Variants in FAM227A observed in about 807,000 individuals in gnomAD.
FAM227A encodes protein FAM227A.
FAM227A carries 80 observed loss-of-function variants against 74.7 expected under a neutral mutation model. That is an observed-to-expected ratio of 1.07 (90% confidence interval 0.89 to 1.29). The LOEUF is 1.29. Ranked by LOEUF, FAM227A falls within the 50% of genes most tolerant of loss-of-function variation. The probability of loss-of-function intolerance (pLI) is 0.00; values close to 1 mark genes in which losing one functional copy is unlikely to be tolerated. For synonymous variants in FAM227A, 237 were observed against 241.8 expected (o/e 0.98, Z 0.19); for missense variants, 654 against 683.4 (o/e 0.96, Z 0.48).
At position 38,605,337 on chromosome 22, in the gene FAM227A, G is replaced by A. The variant is rs2091261861; in HGVS notation, c.1138C>T (p.Gln380Ter). 2 of 1,543,826 alleles carry A rather than the reference G, an allele frequency of 1.3e-6. No individual in the cohort carries two copies. Among genetic ancestry groups the A allele is most frequent in the South Asian group, 2.4e-5 (2 of 83,818 alleles). ...GTAGGTTTCTTCAAGACCAGGGTCT[G>A]ACAATGATGCTCTGTCAATGTGACA... ...MQNTAKEHHC[Q>*]TLVLKKPTQE... is the part of the protein sequence containing the mutation. Residue 380 changes from glutamine to a stop codon, truncating the protein, a stop_gained, in exon 13 of 17, where the codon CAG becomes TAG. Transcript: ENST00000535113. LOFTEE classifies it high-confidence loss of function.
Position 38,582,102 on chromosome 22 carries a change from T to C in FAM227A, c.*4023A>G, listed in dbSNP as rs2090714945. On this transcript the variant is annotated 3_prime_UTR_variant, in exon 17 of 17. Coordinates refer to ENST00000535113, the MANE Select transcript of FAM227A (RefSeq NM_001013647.2). ...ATTGACATATGAGAAACTGCACACA[T>C]TTAAAGTGTATTTAGGTGTGTATAC... The C allele has an allele frequency of 2.2e-6, 1 of 454,366 alleles. No homozygotes were observed. Among genetic ancestry groups the C allele is most frequent in the African/African-American group, 2.0e-5 (1 of 50,054 alleles). 28.1% of individuals were successfully genotyped at this position (454,366 alleles called of 1,614,324 possible).
intron 14 of FAM227A, among the ~76,000 whole-genome samples, chr22:38,598,227 T>A (rs1340984457): frequency 6.6e-6 from 1 of 152,146 alleles, no homozygotes; most frequent in African/African-American, 2.4e-5. Context: ...TTAGATGATG[T>A]TAATCATAAT....
At chr22:38,595,093 T>C (rs912369096) in intron 15 of FAM227A, among the ~76,000 whole-genome samples, 1 of 152,148 alleles carries the variant, frequency 6.6e-6, no homozygotes, top group Admixed American at 6.5e-5. Context: ...CGAGACTCCA[T>C]CTCAAAAAAT....
At chr22:38,616,461 G>A (rs568121960) in intron 11 of FAM227A, among the ~76,000 whole-genome samples, 1 of 152,182 alleles carries the variant, frequency 6.6e-6, no homozygotes, top group Admixed American at 6.5e-5. Flanking sequence ...TCAGGAGTTC[G>A]AGGCTAGCCT....
intron 2 of FAM227A, among the ~76,000 whole-genome samples, chr22:38,646,951 C>A (rs1925445028): frequency 1.3e-5 from 2 of 148,966 alleles, no homozygotes; most frequent in Non-Finnish European, 3.0e-5. Context: ...GAGTTTGAGA[C>A]CAGCCTGGCC....
At chr22:38,655,798 T>C (rs757971796) in intron 1 of FAM227A, among the ~76,000 whole-genome samples, 2 of 152,096 alleles carry the variant, frequency 1.3e-5, no homozygotes, top group African/African-American at 4.8e-5. Context: ...GGTGGTGTAG[T>C]TGGAAGAGAA....
At chr22:38,613,429 T>TATA (rs2091511608) in intron 11 of FAM227A, among the ~76,000 whole-genome samples, 1 of 10,352 alleles carries the variant, frequency 9.7e-5, no homozygotes, top group Non-Finnish European at 4.4e-4. Context: ...TATAATTTGT[T>TATA]TGTTTTCCCC....
Position 38,649,787 on chromosome 22 carries a change from G to A in FAM227A, c.142+240C>T, listed in dbSNP as rs12628650. On this transcript the variant is annotated intron_variant, in intron 2 of 16. Coordinates refer to ENST00000535113, the MANE Select transcript of FAM227A (RefSeq NM_001013647.2). The stretch of plus-strand genomic sequence containing the variant: ...GGAGGCTGAGGCAGGAGAACTGCTC[G>A]AACCTGGGAGGTAGAGGTTGCAGTG... Among the ~76,000 whole-genome samples, 81 of 151,234 alleles carry A rather than the reference G, an allele frequency of 5.4e-4. 1 individual carries two copies. In the East Asian group the frequency reaches 0.015, roughly 27 times the overall value.
At chr22:38,636,967 TCTA>T (rs1004662530) in intron 5 of FAM227A, among the ~76,000 whole-genome samples, 1 of 151,976 alleles carries the variant, frequency 6.6e-6, no homozygotes, top group Non-Finnish European at 1.5e-5. Context: ...AGACAGGGTT[TCTA>T]CTAAAAACTG....
intron 2 of FAM227A, among the ~76,000 whole-genome samples, chr22:38,648,799 C>A (rs925944518): frequency 3.3e-5 from 5 of 151,634 alleles, no homozygotes; most frequent in African/African-American, 1.2e-4. Context: ...ATGGTGAAAC[C>A]CCGTCTCTAC....
intron 3 of FAM227A, among the ~76,000 whole-genome samples, chr22:38,642,018 T>A: frequency 6.6e-6 from 1 of 152,092 alleles, no homozygotes; most frequent in African/African-American, 2.4e-5. Flanking sequence ...ATTGAAGGGT[T>A]TGTATTTTTT....
intron 11 of FAM227A, among the ~76,000 whole-genome samples, chr22:38,609,532 T>G (rs1053309377): frequency 1.3e-5 from 2 of 152,146 alleles, no homozygotes; most frequent in Non-Finnish European, 2.9e-5. Context: ...AGTAGGAGGT[T>G]GGCAATGTTA....
At chr22:38,626,817 T>A (rs1360331183) in intron 8 of FAM227A, among the ~76,000 whole-genome samples, 2 of 126,900 alleles carry the variant, frequency 1.6e-5, no homozygotes, top group African/African-American at 6.2e-5. Flanking sequence ...GAGGTTGCAG[T>A]GAGCTGCGAC....
chr22:38,632,526 G>T (rs180871518), intron 6 of FAM227A, among the ~76,000 whole-genome samples: 1 of 152,286 alleles, frequency 6.6e-6, no homozygotes, highest in African/African-American at 2.4e-5. Context: ...AGAACTGAAA[G>T]AAATAAATCT....
intron 1 of FAM227A, 65 bp downstream of exon 1, chr22:38,656,055 T>TA (rs2092387890): frequency 6.6e-6 from 1 of 152,438 alleles, no homozygotes; most frequent in African/African-American, 2.4e-5. Flanking sequence ...GAAGCCGCCA[T>TA]AACGGCACGG....
chr22:38,611,303 G>A (rs74421775), intron 11 of FAM227A, among the ~76,000 whole-genome samples: 4,828 of 152,208 alleles, frequency 0.032, 263 homozygotes, highest in African/African-American at 0.11. Flanking sequence ...GGGTTGGGGA[G>A]CCTAAATTTG....
At chr22:38,626,023 G>A (rs2091792030) in intron 9 of FAM227A, among the ~76,000 whole-genome samples, 157 bp downstream of exon 9, 1 of 151,850 alleles carries the variant, frequency 6.6e-6, no homozygotes, top group Admixed American at 6.6e-5. Flanking sequence ...TATTCCTTGG[G>A]GCTCCAACCA....
At position 38,597,336 on chromosome 22, in the gene FAM227A, G is replaced by T; in HGVS notation, c.1400C>A (p.Thr467Asn). The T allele has an allele frequency of 6.4e-7, 1 of 1,551,858 alleles. No individual in the cohort carries two copies. Residue 467 changes from threonine to asparagine, a missense_variant, in exon 15 of 17, where the codon ACT becomes AAT. Thr to Asn is a moderately conservative substitution (Grantham distance 65). Transcript: ENST00000535113. ...TSTPDCTPTYTDVISETLCSM... is the reference protein window; with the variant it reads ...TSTPDCTPTYNDVISETLCSM... ...GCACAGGGTCTCGCTGATGACATCA[G>T]TATACGTTGGGGTGCAGTCAGTGGC...
At chr22:38,621,361 AAAG>A (rs913103057) in intron 10 of FAM227A, among the ~76,000 whole-genome samples, 6 of 150,792 alleles carry the variant, frequency 4.0e-5, no homozygotes, top group Middle Eastern at 3.4e-3. Flanking sequence ...AAAAAAAAAA[AAAG>A]AAAGAAAAGA....
Sources: allele counts gnomAD v4.1 joint callset (sites outside exome capture counted in the v4.1 genomes callset), GRCh38; gene constraint gnomAD v4.1.1; transcripts MANE v1.5; gene names NCBI Gene and HGNC (gene_info 2026-07-23, HGNC 2026-07-21).